The following ATXN7 variants were observed in gnomAD, a reference collection of about 807,000 sequenced individuals.
ATXN7 encodes ataxin-7.
A neutral mutation model predicts 70.5 loss-of-function variants in ATXN7; 12 were observed. The observed-to-expected ratio is 0.17, with a 90% CI of 0.11 to 0.28. The LOEUF is 0.28. Among genes scored for constraint, ATXN7 ranks in the 10% least tolerant of loss-of-function variants. The pLI, the probability that ATXN7 is intolerant of heterozygous loss-of-function variation, is 1.00. For missense variants in ATXN7, 1,256 were observed against 1,131.7 expected, an observed-to-expected ratio of 1.11 and a Z score of -1.58; for synonymous variants, 498 against 448.7, an observed-to-expected ratio of 1.11 and a Z score of -1.39.
intron 4 of ATXN7, among the ~76,000 whole-genome samples, chr3:63,935,654 G>A (rs2074648293): frequency 6.6e-6 from 1 of 151,988 alleles, no homozygotes; most frequent in South Asian, 2.1e-4. Context: ...TTCCTGTGTT[G>A]TGTGATGATG....
chr3:63,910,365 GCTTTT>G (rs771577057), intron 2 of ATXN7, among the ~76,000 whole-genome samples: 3 of 152,164 alleles, frequency 2.0e-5, no homozygotes, highest in South Asian at 2.1e-4. Context: ...GTGGCCGCAA[GCTTTT>G]CTTTTCAATG....
At chr3:63,903,147 C>T (rs1703708575) in intron 2 of ATXN7, among the ~76,000 whole-genome samples, 1 of 152,010 alleles carries the variant, frequency 6.6e-6, no homozygotes, top group Non-Finnish European at 1.5e-5. Flanking sequence ...GTAATTCCGG[C>T]ACTTTGGGAG....
chr3:63,891,829 T>C (rs1195255646), intron 1 of ATXN7, among the ~76,000 whole-genome samples: 1 of 152,198 alleles, frequency 6.6e-6, no homozygotes, highest in Non-Finnish European at 1.5e-5. Flanking sequence ...GAGTGAAATT[T>C]GTTGTGTGCT....
intron 5 of ATXN7, among the ~76,000 whole-genome samples, chr3:63,956,147 A>G (rs1361671000): frequency 6.6e-6 from 1 of 152,206 alleles, no homozygotes; most frequent in Non-Finnish European, 1.5e-5. Flanking sequence ...CTTGGAAACT[A>G]CATAGTAATA....
rs1216845671 is a variant in ATXN7 at position 63,961,977 on chromosome 3, C to A, written c.499+9494C>A. Among the ~76,000 whole-genome samples the A allele has an allele frequency of 3.3e-5, 5 of 152,206 alleles. No homozygotes were observed. In the South Asian group the frequency reaches 1.0e-3, roughly 32 times the overall value. Reference sequence around the variant, plus strand: ...GATAAACACACCTGCGATTTCAACCCCACTAAGCTGTGATCTTACATATGA... The same window carrying A: ...GATAAACACACCTGCGATTTCAACCACACTAAGCTGTGATCTTACATATGA... On this transcript the variant is annotated intron_variant, in intron 5 of 12. Transcript: ENST00000674280.
rs75476913 is a variant in ATXN7, at chr3:63,895,928, A to G, written c.-110-2471A>G. Among the ~76,000 whole-genome samples, 23 of 152,044 alleles carry G rather than the reference A, an allele frequency of 1.5e-4. No individual in the cohort carries two copies. The East Asian group carries it at 4.4e-3, about 29-fold the overall frequency. On this transcript the variant is annotated intron_variant, in intron 1 of 12. Transcript: ENST00000674280. ...TCTCTTTGCTGACTGTCTTTTTCCT[A>G]TAGACTGAGAGAGCACTTAGAGGTA...
chr3:63,914,270 CCTG>C (rs1704174763), intron 4 of ATXN7, among the ~76,000 whole-genome samples: 1 of 152,180 alleles, frequency 6.6e-6, no homozygotes, highest in Admixed American at 6.5e-5. Flanking sequence ...GCTTTTCACA[CCTG>C]CTTTTTCTTC....
intron 1 of ATXN7, among the ~76,000 whole-genome samples, chr3:63,896,108 A>T (rs1703438256): frequency 6.6e-6 from 1 of 152,056 alleles, no homozygotes; most frequent in South Asian, 2.1e-4. Context: ...CTTGGCATGG[A>T]GTTGAGAATT....
At chr3:63,887,248 G>A (rs1703117022) in intron 1 of ATXN7, among the ~76,000 whole-genome samples, 1 of 152,274 alleles carries the variant, frequency 6.6e-6, no homozygotes, top group South Asian at 2.1e-4. Flanking sequence ...AAAGATCTCT[G>A]TCTGAAACCT....
At chr3:63,898,115 G>A (rs1703499514) in intron 1 of ATXN7, among the ~76,000 whole-genome samples, 1 of 151,936 alleles carries the variant, frequency 6.6e-6, no homozygotes, top group South Asian at 2.1e-4. Flanking sequence ...ACTCATTAGT[G>A]CAAATTATAT....
chr3:63,918,603 T>C (rs1337963808), intron 4 of ATXN7, among the ~76,000 whole-genome samples: 1 of 152,222 alleles, frequency 6.6e-6, no homozygotes, highest in Non-Finnish European at 1.5e-5. Flanking sequence ...TTCTTTTGGT[T>C]TTTATTTTCT....
At position 63,995,597 on chromosome 3, in the gene ATXN7, G is replaced by T; in HGVS notation, c.1775G>T (p.Ser592Ile). 6.2e-7 allele frequency: 1 copy of T among 1,614,162 alleles called. No homozygotes were observed. The highest frequency in any genetic ancestry group is 2.2e-5 in the East Asian group (1 of 44,874). Residue 592 changes from serine to isoleucine, a missense_variant, in exon 12 of 13, where the codon AGC becomes ATC. Ser to Ile is a moderately radical substitution (Grantham distance 142). Coordinates refer to ENST00000674280, the MANE Select transcript of ATXN7 (RefSeq NM_001377405.1). ...GTGCCGACATCACAATGTGGAGTCA[G>T]CTATCTGGCAGCAGCCACCGTCTCT... is the stretch of plus-strand genomic sequence containing the variant. ...NSVPTSQCGVSYLAAATVSTS... is the reference protein window; with the variant it reads ...NSVPTSQCGVIYLAAATVSTS...
intron 1 of ATXN7, among the ~76,000 whole-genome samples, chr3:63,878,177 A>T (rs2107215423): frequency 6.6e-6 from 1 of 152,334 alleles, no homozygotes; most frequent in South Asian, 2.1e-4. Context: ...AGTAAAAGTG[A>T]AGTGACACAC....
At chr3:63,863,578 C>T (rs1702292993), upstream of ATXN7, 6 of 1,196,924 alleles carry the variant, frequency 5.0e-6, no homozygotes, top group African/African-American at 1.6e-5. Context: ...CGGGCTCTGG[C>T]GAGAGGAGGA....
intron 6 of ATXN7, 66 bp from the exon 7 acceptor site, chr3:63,982,120 C>CT (rs2075498497): frequency 1.2e-6 from 2 of 1,603,838 alleles, no homozygotes; most frequent in Admixed American, 3.3e-5. Flanking sequence ...ATCCCTCTGG[C>CT]TCACCATTCA....
chr3:63,999,698 C>CT lies in ATXN7; in HGVS notation c.*235dup. ...TGGATCAAGTTCAGCCACCGAATTG[C>CT]TTTTATCAGTGTTAAAGTGGTCTGA... On this transcript the variant is annotated 3_prime_UTR_variant, in exon 13 of 13. Transcript: ENST00000674280. 1 of 734,236 alleles carries CT rather than the reference C, an allele frequency of 1.4e-6. No homozygotes were observed. Among genetic ancestry groups the CT allele is most frequent in the Non-Finnish European group, 2.3e-6 (1 of 433,108 alleles). The allele number at this position is 734,236 out of a possible 1,614,324, so 45.5% of individuals were successfully genotyped here. A position where few individuals can be genotyped will look rare whatever the true frequency, so the allele number is the denominator to read the frequency against.
Position 63,912,681 on chromosome 3 carries a change from C to G in ATXN7, c.83C>G (p.Ala28Gly), listed in dbSNP as rs976770853. Reference protein sequence around the residue: ...AAAGGAAAAAARQQQQQQQQQ... With the variant: ...AAAGGAAAAAGRQQQQQQQQQ... The stretch of plus-strand genomic sequence containing the variant: ...GCGGGCGGAGCAGCGGCCGCGGCCG[C>G]CCGGCAGCAGCAGCAGCAGCAGCAG... Residue 28 changes from alanine (A) to glycine (G), a missense_variant, in exon 3 of 13, where the codon GCC (alanine) becomes GGC (glycine). By Grantham distance (60) the Ala-to-Gly change is moderately conservative (BLOSUM62 0). Transcript: ENST00000674280. The G allele has an allele frequency of 5.3e-5, 53 of 995,700 alleles. No individual in the cohort carries two copies. Among genetic ancestry groups the G allele is most frequent in the Non-Finnish European group, 6.5e-5 (53 of 820,564 alleles). The allele number at this position is 995,700 out of a possible 1,614,324, so 61.7% of individuals were successfully genotyped here. A position where few individuals can be genotyped will look rare whatever the true frequency, so the allele number is the denominator to read the frequency against.
At chr3:63,936,881 C>G (rs1031622854) in intron 4 of ATXN7, among the ~76,000 whole-genome samples, 2 of 151,898 alleles carry the variant, frequency 1.3e-5, no homozygotes, top group Admixed American at 1.3e-4. Flanking sequence ...TCTAGTCTGC[C>G]CCTTTCAGTC....
chr3:63,913,130 C>T (rs1704123628), intron 3 of ATXN7, 27 bp from the exon 4 acceptor site: 1 of 1,610,088 alleles, frequency 6.2e-7, no homozygotes. Flanking sequence ...TGCCTCTCCC[C>T]TCCTCCTGTG....
Sources: gnomAD v4.1 joint callset for allele counts (sites outside exome capture counted in the v4.1 genomes callset) on GRCh38, gnomAD v4.1.1 for gene constraint, MANE v1.5 for transcripts, NCBI Gene and HGNC (gene_info 2026-07-23, HGNC 2026-07-21) for gene names.